SEMA3A: variants seen among roughly 807,000 people sequenced by gnomAD.
SEMA3A encodes semaphorin 3A.
A neutral mutation model predicts 97.9 loss-of-function variants in SEMA3A; 29 were observed. That is an observed-to-expected ratio of 0.30 (90% confidence interval 0.22 to 0.40). The LOEUF (loss-of-function observed/expected upper bound fraction) is 0.40. Ranked by LOEUF, SEMA3A falls within the 10% of genes least tolerant of loss-of-function variation. The pLI is 1.00. For missense variants in SEMA3A, 763 were observed against 951.3 expected (o/e 0.80, Z 2.60); for synonymous variants, 321 against 323.7 (o/e 0.99, Z 0.09).
chr7:84,127,775 T>C (rs1795845688), intron 3 of SEMA3A, among the ~76,000 whole-genome samples: 1 of 152,182 alleles, frequency 6.6e-6, no homozygotes, highest in Non-Finnish European at 1.5e-5. Flanking sequence ...TAGGCAACTG[T>C]AACAAATCAA....
intron 6 of SEMA3A, among the ~76,000 whole-genome samples, chr7:84,032,822 T>C (rs78404854): frequency 0.13 from 19,910 of 151,758 alleles, 1,626 homozygotes; most frequent in East Asian, 0.37. Flanking sequence ...TATATTTACA[T>C]GAATTTGAAG....
intron 1 of SEMA3A, among the ~76,000 whole-genome samples, chr7:84,407,646 C>G (rs1173929940): frequency 6.6e-6 from 1 of 151,526 alleles, no homozygotes; most frequent in Non-Finnish European, 1.5e-5. Flanking sequence ...TCAAACTATA[C>G]TACAAGGCTA....
At chr7:84,200,483 G>T (rs1260332474) in intron 3 of SEMA3A, among the ~76,000 whole-genome samples, 1 of 152,056 alleles carries the variant, frequency 6.6e-6, no homozygotes, top group Non-Finnish European at 1.5e-5. Context: ...ATGAAAGAGA[G>T]TGACAAGAGA....
chr7:84,485,704 C>T (rs1440259214), intron 1 of SEMA3A, among the ~76,000 whole-genome samples: 1 of 152,096 alleles, frequency 6.6e-6, no homozygotes, highest in Admixed American at 6.6e-5. Flanking sequence ...CTTACCAGTA[C>T]TAACAATTTT....
intron 1 of SEMA3A, among the ~76,000 whole-genome samples, chr7:84,145,237 A>G (rs1472415990): frequency 6.6e-6 from 1 of 152,106 alleles, no homozygotes. Flanking sequence ...TTTATGAAGC[A>G]TAGTGCCCTG....
chr7:84,128,833 A>G (rs887284070), intron 3 of SEMA3A, among the ~76,000 whole-genome samples: 16 of 152,116 alleles, frequency 1.1e-4, no homozygotes, highest in African/African-American at 3.9e-4. Context: ...ACCTGACCTC[A>G]TGTGATTAGT....
intron 3 of SEMA3A, among the ~76,000 whole-genome samples, chr7:84,284,253 G>A (rs1800525743): frequency 6.6e-6 from 1 of 152,074 alleles, no homozygotes; most frequent in Non-Finnish European, 1.5e-5. Context: ...ACTTTTGGCT[G>A]ACACTAGTTG....
At chr7:84,411,157 G>A (rs1194430044) in intron 1 of SEMA3A, among the ~76,000 whole-genome samples, 1 of 152,078 alleles carries the variant, frequency 6.6e-6, no homozygotes, top group Non-Finnish European at 1.5e-5. Flanking sequence ...GAGAGGTAGA[G>A]AGATAGCATT....
intron 3 of SEMA3A, among the ~76,000 whole-genome samples, chr7:84,208,204 G>A (rs1438174096): frequency 6.6e-6 from 1 of 152,162 alleles, no homozygotes; most frequent in African/African-American, 2.4e-5. Context: ...TGTAATCTCA[G>A]CACTTTGGGA....
At chr7:84,238,467 A>G (rs1445992502) in intron 3 of SEMA3A, among the ~76,000 whole-genome samples, 1 of 152,158 alleles carries the variant, frequency 6.6e-6, no homozygotes, top group Admixed American at 6.6e-5. Flanking sequence ...ATGTATTTAA[A>G]TCGGCTTCCT....
chr7:84,077,115 A>G (rs571065176), intron 4 of SEMA3A, among the ~76,000 whole-genome samples: 55 of 152,248 alleles, frequency 3.6e-4, no homozygotes, highest in Middle Eastern at 3.4e-3. Flanking sequence ...CTAGAATGAG[A>G]AAGTCCAGAA....
chr7:84,420,422 C>T (rs1048575574), intron 1 of SEMA3A, among the ~76,000 whole-genome samples: 38 of 151,858 alleles, frequency 2.5e-4, no homozygotes, highest in Non-Finnish European at 4.6e-4. Context: ...ATAAAAAATT[C>T]ACTAGAGTGC....
At chr7:84,144,779 TATAACA>T (rs1331275029) in intron 1 of SEMA3A, among the ~76,000 whole-genome samples, 1 of 152,140 alleles carries the variant, frequency 6.6e-6, no homozygotes, top group African/African-American at 2.4e-5. Context: ...TTCAAGAAAC[TATAACA>T]ATAACAACTT....
intron 1 of SEMA3A, among the ~76,000 whole-genome samples, chr7:84,482,714 G>A (rs527675464): frequency 4.7e-4 from 71 of 152,264 alleles, no homozygotes; most frequent in Admixed American, 4.3e-3. Context: ...CCACAACTGC[G>A]GTTAGATGCC....
At chr7:84,299,629 C>T (rs1338372307) in intron 3 of SEMA3A, among the ~76,000 whole-genome samples, 3 of 151,280 alleles carry the variant, frequency 2.0e-5, no homozygotes. Context: ...ATGAGGAAAG[C>T]TGATAATGTA....
intron 1 of SEMA3A, among the ~76,000 whole-genome samples, chr7:84,411,732 A>G (rs1804274621): frequency 1.3e-5 from 2 of 151,810 alleles, no homozygotes; most frequent in East Asian, 3.9e-4. Context: ...GGCATTTTTT[A>G]TTTTCTCCTG....
At chr7:84,447,155 GC>G (rs1209535874) in intron 1 of SEMA3A, among the ~76,000 whole-genome samples, 9 of 152,190 alleles carry the variant, frequency 5.9e-5, no homozygotes, top group Non-Finnish European at 1.3e-4. Flanking sequence ...TGACATGCCA[GC>G]CCCCTGCCGC....
intron 9 of SEMA3A, among the ~76,000 whole-genome samples, chr7:84,010,243 T>C (rs1299471582): frequency 6.6e-6 from 1 of 152,178 alleles, no homozygotes; most frequent in African/African-American, 2.4e-5. Flanking sequence ...TCAATTGTTA[T>C]ATTAATAACT....
chr7:84,119,884 C>T (rs1795551214), intron 3 of SEMA3A, among the ~76,000 whole-genome samples: 1 of 152,032 alleles, frequency 6.6e-6, no homozygotes, highest in Admixed American at 6.6e-5. Flanking sequence ...ACTTACTGTA[C>T]TCTAAAAGTA....
Sources: gnomAD v4.1 joint callset for allele counts (sites outside exome capture counted in the v4.1 genomes callset) on GRCh38, gnomAD v4.1.1 for gene constraint, MANE v1.5 for transcripts, NCBI Gene and HGNC (gene_info 2026-07-23, HGNC 2026-07-21) for gene names.